The following TMIGD3 variants were observed in gnomAD, a reference collection of about 807,000 sequenced individuals.
TMIGD3 encodes the protein AD026 protein (AD026).
TMIGD3 carries 21 observed loss-of-function variants against 28.1 expected under a neutral mutation model. That is an observed-to-expected ratio of 0.75 (90% CI 0.53 to 1.08). The LOEUF (loss-of-function observed/expected upper bound fraction) is 1.08. TMIGD3 is among the 50% of genes least tolerant of loss of function. TMIGD3 has a pLI of 0.00. For synonymous variants in TMIGD3, 151 were observed against 162.1 expected, an observed-to-expected ratio of 0.93 and a Z score of 0.52; for missense variants, 416 against 435.6, an observed-to-expected ratio of 0.96 and a Z score of 0.40.
intron 4 of TMIGD3, among the ~76,000 whole-genome samples, 173 bp from the exon 5 acceptor site, chr1:111,486,013 T>C (rs147330021): frequency 8.5e-5 from 13 of 152,268 alleles, no homozygotes; most frequent in African/African-American, 2.6e-4. Flanking sequence ...CCACCCTCGA[T>C]GGGACCTGCT....
At chr1:111,540,801 G>A (rs1049082702) in intron 1 of TMIGD3, among the ~76,000 whole-genome samples, 1 of 152,192 alleles carries the variant, frequency 6.6e-6, no homozygotes, top group African/African-American at 2.4e-5. Context: ...CCTGAAGAAT[G>A]AGTTGTCTAA....
intron 1 of TMIGD3, among the ~76,000 whole-genome samples, chr1:111,555,374 A>AT (rs1437942656): frequency 1.3e-5 from 2 of 150,536 alleles, no homozygotes; most frequent in African/African-American, 4.9e-5. Flanking sequence ...AAAAAAAAAA[A>AT]AAAAAAAAAA....
At chr1:111,524,045 T>G (rs368214128) in intron 1 of TMIGD3, among the ~76,000 whole-genome samples, 103 of 80,718 alleles carry the variant, frequency 1.3e-3, no homozygotes, top group Non-Finnish European at 2.3e-3. Context: ...TTTTTTTTTT[T>G]TTGGGATGGA....
rs1014561691 is a variant in TMIGD3, at chr1:111,549,826, A to AT, written c.107+14019dup. ...ACCATGCTCAGCTAATCTTTTTTAA[A>AT]TTTTTTTGTAGAGACAGGGTGTTGC... On this transcript the variant is annotated intron_variant, in intron 1 of 5. Coordinates refer to the TMIGD3 transcript ENST00000369717. Among the ~76,000 whole-genome samples the AT allele has an allele frequency of 8.6e-5, 13 of 151,952 alleles. No individual in the cohort carries two copies. The South Asian group carries it at 1.2e-3, about 15-fold the overall frequency.
At chr1:111,489,452 C>T (rs1253411411) in intron 2 of TMIGD3, 4 of 644,490 alleles carry the variant, frequency 6.2e-6, no homozygotes, top group African/African-American at 4.0e-5. Context: ...CCAAATGCCT[C>T]GATCTTGAAC....
At chr1:111,560,810 C>T (rs2800903) in intron 1 of TMIGD3, among the ~76,000 whole-genome samples, 80,018 of 151,966 alleles carry the variant, frequency 0.53, 22,040 homozygotes, top group African/African-American at 0.69. Context: ...AGTTCTTGAT[C>T]GTCTTAGAGA....
chr1:111,523,241 A>G (rs1315498597), intron 1 of TMIGD3, among the ~76,000 whole-genome samples: 2 of 152,186 alleles, frequency 1.3e-5, no homozygotes, highest in African/African-American at 4.8e-5. Context: ...ACACAATGAT[A>G]TGGTTTTTAT....
intron 1 of TMIGD3, among the ~76,000 whole-genome samples, chr1:111,516,289 C>T (rs575683154): frequency 2.1e-4 from 32 of 152,332 alleles, no homozygotes; most frequent in African/African-American, 2.9e-4. Context: ...AGCACCCCCT[C>T]CAGGTCAGTC....
At chr1:111,512,269 T>C (rs1655713380) in intron 1 of TMIGD3, among the ~76,000 whole-genome samples, 1 of 152,242 alleles carries the variant, frequency 6.6e-6, no homozygotes, top group Admixed American at 6.5e-5. Flanking sequence ...CTGTGCCTAA[T>C]TGATGTTCAG....
chr1:111,517,394 G>A (rs1380632724), intron 1 of TMIGD3, among the ~76,000 whole-genome samples: 1 of 150,966 alleles, frequency 6.6e-6, no homozygotes, highest in Non-Finnish European at 1.5e-5. Context: ...TAGATTGCCT[G>A]TCACTCTCTT....
chr1:111,497,169 G>C (rs1654927262), intron 1 of TMIGD3, among the ~76,000 whole-genome samples: 1 of 152,160 alleles, frequency 6.6e-6, no homozygotes, highest in African/African-American at 2.4e-5. Flanking sequence ...GGAGTGCAGT[G>C]GCACGATCTC....
chr1:111,512,711 G>T (rs1655731097), intron 1 of TMIGD3, among the ~76,000 whole-genome samples: 1 of 152,174 alleles, frequency 6.6e-6, no homozygotes, highest in Non-Finnish European at 1.5e-5. Context: ...CTTACAAGGT[G>T]CTTGGTAGAG....
At chr1:111,513,157 A>G (rs1655748145) in intron 1 of TMIGD3, among the ~76,000 whole-genome samples, 1 of 152,244 alleles carries the variant, frequency 6.6e-6, no homozygotes, top group African/African-American at 2.4e-5. Context: ...TCTAAGGGCC[A>G]GATATCAAGA....
chr1:111,519,771 C>A (rs568504610), intron 1 of TMIGD3, among the ~76,000 whole-genome samples: 4 of 151,724 alleles, frequency 2.6e-5, no homozygotes, highest in Non-Finnish European at 5.9e-5. Context: ...CGGCTCACTG[C>A]AACCTCCACC....
intron 1 of TMIGD3, among the ~76,000 whole-genome samples, chr1:111,552,556 A>AT (rs912341326): frequency 3.3e-5 from 5 of 152,146 alleles, no homozygotes; most frequent in Admixed American, 6.6e-5. Flanking sequence ...ATAATTCACC[A>AT]TTTTTTTATC....
chr1:111,532,896 A>G (rs200110375), intron 1 of TMIGD3, among the ~76,000 whole-genome samples: 1 of 152,188 alleles, frequency 6.6e-6, no homozygotes, highest in East Asian at 1.9e-4. Context: ...AATCTATTGG[A>G]GTGAGACTAC....
At chr1:111,517,130 T>C (rs1655897565) in intron 1 of TMIGD3, among the ~76,000 whole-genome samples, 1 of 152,278 alleles carries the variant, frequency 6.6e-6, no homozygotes, top group Middle Eastern at 3.4e-3. Context: ...CACACACACA[T>C]GCACACACTA....
upstream of TMIGD3, among the ~76,000 whole-genome samples, chr1:111,507,247 C>A (rs1439335084): frequency 6.6e-6 from 1 of 151,624 alleles, no homozygotes; most frequent in Non-Finnish European, 1.5e-5. Context: ...CATACTGAGA[C>A]CCCACCTCTA....
chr1:111,500,135 C>CACCATTAAAGTAG, intron 1 of TMIGD3: 1 of 1,614,146 alleles, frequency 6.2e-7, no homozygotes, highest in South Asian at 1.1e-5. Context: ...TGTGGTACCT[C>CACCATTAAAGTAG]ACCATTAAAG....
Sources: gnomAD v4.1 joint callset for allele counts (sites outside exome capture counted in the v4.1 genomes callset) on GRCh38, gnomAD v4.1.1 for gene constraint, MANE v1.5 for transcripts, NCBI Gene and HGNC (gene_info 2026-07-23, HGNC 2026-07-21) for gene names.